The following POLM variants were observed in gnomAD, a reference collection of about 807,000 sequenced individuals.
POLM encodes the protein DNA polymerase mu.
In POLM, 52 loss-of-function variants were observed where a neutral mutation model predicts 56.7. The observed-to-expected ratio is 0.92, with a 90% confidence interval of 0.73 to 1.15. The LOEUF (loss-of-function observed/expected upper bound fraction) is 1.15. Among genes scored for constraint, POLM ranks in the 50% most tolerant of loss-of-function variants. The pLI, the probability that POLM is intolerant of heterozygous loss-of-function variation, is 0.00. For synonymous variants in POLM, 273 were observed against 274.3 expected (o/e 1.00, Z 0.05); for missense variants, 660 against 663.6 (o/e 0.99, Z 0.06).
rs766975461 is a variant in POLM at position 44,082,266 on chromosome 7, A to T, written c.173T>A (p.Val58Asp). 2.7e-6 allele frequency: 4 copies of T among 1,504,014 alleles called. No homozygotes were observed. The South Asian group carries it at 5.0e-5, about 19-fold the overall frequency. 93.2% of individuals were successfully genotyped at this position (1,504,014 alleles called of 1,614,324 possible). A position where few individuals can be genotyped will look rare whatever the true frequency, so the allele number is the denominator to read the frequency against. Residue 58 changes from valine (V) to aspartate (D), a missense_variant, in exon 1 of 11, where the codon GTC becomes GAC. Val to Asp is a radical substitution (Grantham distance 152). Transcript: ENST00000242248. ...TGLARSKGFR[V>D]LDACSSEATH... is the part of the protein sequence containing the mutation. Reference sequence around the variant, plus strand: ...CGCCCCGCACCTGCAGGCGTCAAGGACGCGGAAGCCTTTGGAGCGCGCCAG... The same window carrying T: ...CGCCCCGCACCTGCAGGCGTCAAGGTCGCGGAAGCCTTTGGAGCGCGCCAG...
At chr7:44,081,039 A>C (rs1586028175) in intron 1 of POLM, 123 bp from the exon 2 acceptor site, 2 of 759,996 alleles carry the variant, frequency 2.6e-6, no homozygotes, top group African/African-American at 1.8e-5. Flanking sequence ...TGCAAACGTC[A>C]CCTCCTCCAG....
At chr7:44,073,430 C>A in intron 10 of POLM, 53 bp from the exon 11 acceptor site, 1 of 1,597,602 alleles carries the variant, frequency 6.3e-7, no homozygotes, top group Non-Finnish European at 8.5e-7. Context: ...CTGCTGCTTC[C>A]CTGCAGGAAG....
rs531736274 is a variant in POLM, at chr7:44,082,511, T to C, written c.-73A>G. Reference sequence around the variant, plus strand: ...CGAGCGAGACGGAAGGAAGCCCCAGTGAGGCTGACGGAAGCGGGTGGGCGG... The same window carrying C: ...CGAGCGAGACGGAAGGAAGCCCCAGCGAGGCTGACGGAAGCGGGTGGGCGG... On this transcript the variant is annotated 5_prime_UTR_variant, in exon 1 of 11. Coordinates refer to ENST00000242248, the MANE Select transcript of POLM (RefSeq NM_013284.4). The C allele has an allele frequency of 1.6e-5, 1 of 61,748 alleles. No homozygotes were observed. The highest frequency in any genetic ancestry group is 2.4e-5 in the Non-Finnish European group (1 of 41,184). 3.8% of individuals were successfully genotyped at this position (61,748 alleles called of 1,614,324 possible).
In POLM at chr7:44,073,169, C is replaced by G; in HGVS notation, c.*122G>C. ...AGGCACAATTGACCTCCGGAAGAGC[C>G]AGGCCTTGGCGGGGAGGGGTGAAGG... is the stretch of plus-strand genomic sequence containing the variant. On this transcript the variant is annotated 3_prime_UTR_variant, in exon 11 of 11. Transcript: ENST00000242248. The G allele has an allele frequency of 2.6e-6, 4 of 1,566,418 alleles. No homozygotes were observed. The highest frequency in any genetic ancestry group is 3.5e-6 in the Non-Finnish European group (4 of 1,155,720).
chr7:44,081,248 T>C (rs1396084497), intron 1 of POLM, among the ~76,000 whole-genome samples: 4 of 152,224 alleles, frequency 2.6e-5, no homozygotes, highest in Non-Finnish European at 1.5e-5. Context: ...TCAGCAGAGA[T>C]GGAGGAGCCT....
In POLM at chr7:44,078,758, C is replaced by G. The variant is rs1463887414; in HGVS notation, c.696G>C (p.Glu232Asp). 2 of 1,614,078 alleles carry G rather than the reference C, an allele frequency of 1.2e-6. No individual in the cohort carries two copies. Among genetic ancestry groups the G allele is most frequent in the Admixed American group, 3.3e-5 (2 of 60,024 alleles). The change falls in exon 5 of 11, where the codon GAG becomes GAC. Residue 232 changes from glutamate (E) to aspartate (D), a missense_variant. Coordinates refer to ENST00000242248, the MANE Select transcript of POLM (RefSeq NM_013284.4). ...TGCGCACCTTCATGGTCTGGTACCT[C>G]TCTGAGCGCCGAACTCTCTCCACCT... ...CEEVERVRRS[E>D]RYQTMKLFTQ...
Position 44,074,227 on chromosome 7 carries a change from C to G in POLM, c.975G>C (p.Lys325Asn). ...VTLTGGFRRG[K>N]LQGHDVDFLI... ...GGAAGTCCACGTCATGGCCCTGCAA[C>G]TTCCCCCTGAGGGCGTCAGTCTGAC... The change falls in exon 8 of 11, where the codon AAG becomes AAC. Residue 325 changes from lysine to asparagine, a missense_variant. Transcript: ENST00000242248. The G allele has an allele frequency of 3.2e-6, 5 of 1,579,250 alleles. No homozygotes were observed. Among genetic ancestry groups the G allele is most frequent in the Non-Finnish European group, 4.3e-6 (5 of 1,161,962 alleles).
At position 44,073,963 on chromosome 7, in the gene POLM, T is replaced by C. The variant is rs779790333; in HGVS notation, c.1134A>G (p.Gln378=). 4.1e-5 allele frequency: 66 copies of C among 1,614,186 alleles called. No individual in the cohort carries two copies. The highest frequency in any genetic ancestry group is 5.3e-5 in the Non-Finnish European group (62 of 1,180,014). The change falls in exon 9 of 11, where the codon CAA becomes CAG. Residue 378 remains glutamine (Q), a synonymous_variant. Coordinates refer to ENST00000242248, the MANE Select transcript of POLM (RefSeq NM_013284.4). ...SCCESPTRLA[Q]QSHMDAFERS... ...TCTCAAAAGCGTCCATGTGGCTCTG[T>C]TGGGCCAGGCGGGTAGGGGACTCAC...
chr7:44,076,606 G>C lies in POLM; in HGVS notation c.738C>G (p.Val246=). ...TMKLFTQIFG[V]GVKTADRWYR... ...ACCACCGGTCAGCAGTCTTCACACC[G>C]ACCCCGAAGATCTGGGTGAAGAGCT... The change falls in exon 6 of 11, where the codon GTC becomes GTG. Residue 246 remains valine (V), a synonymous_variant. Transcript: ENST00000242248. 1.2e-6 allele frequency: 2 copies of C among 1,614,072 alleles called. No homozygotes were observed. Among genetic ancestry groups the C allele is most frequent in the Non-Finnish European group, 1.7e-6 (2 of 1,180,018 alleles).
intron 6 of POLM, among the ~76,000 whole-genome samples, chr7:44,075,458 A>G (rs1251835044): frequency 6.6e-6 from 1 of 151,982 alleles, no homozygotes; most frequent in Non-Finnish European, 1.5e-5. Flanking sequence ...GAGGCGATCA[A>G]GAGGAACCAG....
intron 5 of POLM, 47 bp downstream of exon 5, chr7:44,078,693 C>A (rs1187441532): frequency 6.5e-7 from 1 of 1,549,816 alleles, no homozygotes; most frequent in Non-Finnish European, 8.9e-7. Context: ...GTTGTCATTC[C>A]CAGGGCAGGA....
intron 5 of POLM, among the ~76,000 whole-genome samples, chr7:44,077,293 C>T (rs183958184): frequency 2.0e-5 from 3 of 152,316 alleles, no homozygotes; most frequent in African/African-American, 4.8e-5. Context: ...CAAGAGAGGG[C>T]GAAGCCACCG....
Position 44,078,798 on chromosome 7 carries a change from T to C in POLM, c.656A>G (p.His219Arg), listed in dbSNP as rs1314649047. Residue 219 changes from histidine to arginine, a missense_variant, in exon 5 of 11, where the codon CAT becomes CGT. Transcript: ENST00000242248. ...SSRVVQELLEHGVCEEVERVR... is the reference protein window; with the variant it reads ...SSRVVQELLERGVCEEVERVR... ...TCTCTCCACCTCCTCACACACTCCA[T>C]GCTCCAGCAGCTCCTGGGGGAGGGA... 4 of 1,613,676 alleles carry C rather than the reference T, an allele frequency of 2.5e-6. No individual in the cohort carries two copies. The African/African-American group carries it at 4.0e-5, about 16-fold the overall frequency.
chr7:44,073,677 C>T lies in POLM; in HGVS notation c.1346G>A (p.Arg449Gln), dbSNP rs770532470. The change falls in exon 10 of 11, where the codon CGG becomes CAG. Residue 449 changes from arginine to glutamine, a missense_variant. Coordinates refer to ENST00000242248, the MANE Select transcript of POLM (RefSeq NM_013284.4). The part of the protein sequence containing the change: ...LFQRELRRFS[R>Q]KEKGLWLNSH... ...GTTCAGCCACAGGCCCTTCTCCTTC[C>T]GGCTGAAGCGGCGCAGCTCCCGCTG... The T allele has an allele frequency of 1.7e-5, 28 of 1,614,064 alleles. No homozygotes were observed. The highest frequency in any genetic ancestry group is 1.6e-4 in the Middle Eastern group (1 of 6,082).
Position 44,080,529 on chromosome 7 carries a change from C to G in POLM, c.372+204G>C, listed in dbSNP as rs148554736. Reference sequence around the variant, plus strand: ...TTTGCATCAGTGGTGAGAACAGAAGCTGAGATGGCCTGGCCCCCTCAGCCC... The same window carrying G: ...TTTGCATCAGTGGTGAGAACAGAAGGTGAGATGGCCTGGCCCCCTCAGCCC... On this transcript the variant is annotated intron_variant, in intron 2 of 10. Coordinates refer to ENST00000242248, the MANE Select transcript of POLM (RefSeq NM_013284.4). The G allele has an allele frequency of 9.8e-3, 6,898 of 701,662 alleles. 55 individuals carry two copies. Among genetic ancestry groups the G allele is most frequent in the Middle Eastern group, 0.014 (62 of 4,356 alleles). 43.5% of individuals were successfully genotyped at this position (701,662 alleles called of 1,614,324 possible).
chr7:44,082,099 A>T, intron 1 of POLM, 152 bp downstream of exon 1: 2 of 678,838 alleles, frequency 2.9e-6, no homozygotes, highest in African/African-American at 1.9e-5. Context: ...GTGATCCTTT[A>T]AAACACGCCT....
At position 44,073,325 on chromosome 7, in the gene POLM, A is replaced by G; in HGVS notation, c.1451T>C (p.Leu484Pro). Reference sequence around the variant, plus strand: ...TCTCTGCTCTGGAGGAAGGTACTCAAGGCCCAGGTGTCTGAAGATGTCTTC... The same window carrying G: ...TCTCTGCTCTGGAGGAAGGTACTCAGGGCCCAGGTGTCTGAAGATGTCTTC... ...SEEDIFRHLG[L>P]EYLPPEQRNA Residue 484 changes from leucine (L) to proline (P), a missense_variant, in exon 11 of 11, where the codon CTT becomes CCT. Leu to Pro is a moderately conservative substitution (Grantham distance 98). Transcript: ENST00000242248. 1 of 1,614,200 alleles carries G rather than the reference A, an allele frequency of 6.2e-7. No homozygotes were observed. Among genetic ancestry groups the G allele is most frequent in the Non-Finnish European group, 8.5e-7 (1 of 1,180,008 alleles).
In POLM at chr7:44,079,598, A is replaced by G. The variant is rs763625233; in HGVS notation, c.615T>C (p.Phe205=). 7.2e-6 allele frequency: 11 copies of G among 1,538,182 alleles called. No individual in the cohort carries two copies. The highest frequency in any genetic ancestry group is 1.8e-4 in the Middle Eastern group (1 of 5,684). Residue 205 remains phenylalanine, a synonymous_variant, in exon 4 of 11, where the codon TTT becomes TTC. Coordinates refer to ENST00000242248, the MANE Select transcript of POLM (RefSeq NM_013284.4). The part of the protein sequence containing the change: ...TLSQLQGLPH[F]GEHSSRVVQE... ...GGACAACCCTAGAGGAGTGTTCTCC[A>G]AAGTGGGGAAGCCCCTGCAGCTGGC... is the stretch of plus-strand genomic sequence containing the variant.
intron 5 of POLM, 102 bp downstream of exon 5, chr7:44,078,638 G>T: frequency 9.7e-7 from 1 of 1,033,650 alleles, no homozygotes. Flanking sequence ...CCCCTGGGCT[G>T]GGTCAGCTGC....
Sources: allele counts gnomAD v4.1 joint callset (sites outside exome capture counted in the v4.1 genomes callset), GRCh38; gene constraint gnomAD v4.1.1; transcripts MANE v1.5; gene names NCBI Gene and HGNC (gene_info 2026-07-23, HGNC 2026-07-21).